The following AMBRA1 variants were observed in gnomAD, a reference collection of about 807,000 sequenced individuals.
AMBRA1 encodes autophagy and beclin 1 regulator 1.
Under a neutral mutation model 125.4 loss-of-function variants are expected in AMBRA1, and 47 were observed. The observed-to-expected ratio is 0.37, with a 90% confidence interval of 0.30 to 0.48. The LOEUF (loss-of-function observed/expected upper bound fraction) is 0.48, where lower values mean the gene tolerates loss of function less well. Ranked by LOEUF, AMBRA1 falls within the 20% of genes least tolerant of loss-of-function variation. AMBRA1 has a pLI of 0.99. For synonymous variants in AMBRA1, 626 were observed against 655.5 expected, an observed-to-expected ratio of 0.95 and a Z score of 0.69; for missense variants, 1,331 against 1,693.4, an observed-to-expected ratio of 0.79 and a Z score of 3.76.
chr11:46,515,916 C>T (rs1215952511), intron 7 of AMBRA1, among the ~76,000 whole-genome samples: 4 of 152,142 alleles, frequency 2.6e-5, no homozygotes, highest in African/African-American at 7.2e-5. Context: ...CCTTCTGATC[C>T]GCCCGCTTTG....
intron 1 of AMBRA1, among the ~76,000 whole-genome samples, chr11:46,567,580 C>T (rs1159878204): frequency 6.6e-6 from 1 of 151,906 alleles, no homozygotes. Context: ...AAGCCGGTCT[C>T]GAACTCCTGG....
At chr11:46,499,947 C>T (rs1035571492) in intron 9 of AMBRA1, among the ~76,000 whole-genome samples, 8 of 152,148 alleles carry the variant, frequency 5.3e-5, no homozygotes, top group African/African-American at 7.2e-5. Flanking sequence ...CCACCGCCCC[C>T]GGCTGACAGG....
intron 1 of AMBRA1, among the ~76,000 whole-genome samples, chr11:46,589,937 T>TA (rs1189878360): frequency 6.6e-6 from 1 of 151,824 alleles, no homozygotes; most frequent in Non-Finnish European, 1.5e-5. Context: ...ATTGTCAACT[T>TA]AAACAGACAA....
At chr11:46,552,368 CAAAAAAAAAAAAAAAAAAAAAAA>C (rs56090695) in intron 1 of AMBRA1, among the ~76,000 whole-genome samples, 626 of 12,006 alleles carry the variant, frequency 0.052, 22 homozygotes, top group African/African-American at 0.14. Flanking sequence ...GACTCCATCT[CAAAAAAAAAAAAAAAAAAAAAAA>C]AAAAAAAAAA....
intron 11 of AMBRA1, among the ~76,000 whole-genome samples, chr11:46,459,085 C>T (rs554014634): frequency 6.6e-6 from 1 of 152,222 alleles, no homozygotes; most frequent in East Asian, 1.9e-4. Flanking sequence ...CAAATTATGT[C>T]CAACTACACC....
chr11:46,529,859 G>T (rs1952135337), intron 7 of AMBRA1, among the ~76,000 whole-genome samples: 1 of 152,112 alleles, frequency 6.6e-6, no homozygotes, highest in South Asian at 2.1e-4. Flanking sequence ...AGCAAAATTT[G>T]CTCACACAAA....
intron 11 of AMBRA1, among the ~76,000 whole-genome samples, chr11:46,444,677 T>C (rs1948189416): frequency 6.6e-6 from 1 of 152,228 alleles, no homozygotes; most frequent in African/African-American, 2.4e-5. Flanking sequence ...TCACCTAGTC[T>C]TCCTCCTCTG....
intron 11 of AMBRA1, among the ~76,000 whole-genome samples, chr11:46,454,159 A>C (rs1486061759): frequency 6.6e-6 from 1 of 152,112 alleles, no homozygotes; most frequent in Non-Finnish European, 1.5e-5. Context: ...AATACAGTGT[A>C]TGAGGAAAGG....
At chr11:46,588,363 C>T (rs1372325661) in intron 1 of AMBRA1, among the ~76,000 whole-genome samples, 2 of 152,082 alleles carry the variant, frequency 1.3e-5, no homozygotes, top group Non-Finnish European at 2.9e-5. Context: ...GCAAGTTGCC[C>T]AAGAACTTAA....
chr11:46,411,571 C>T (rs1412563052), intron 15 of AMBRA1, among the ~76,000 whole-genome samples: 1 of 152,178 alleles, frequency 6.6e-6, no homozygotes, highest in Non-Finnish European at 1.5e-5. Context: ...TGGGTTCAAG[C>T]AATTCTCCTG....
At chr11:46,504,632 G>A (rs1031428975) in intron 9 of AMBRA1, 4 of 152,174 alleles carry the variant, frequency 2.6e-5, no homozygotes, top group Non-Finnish European at 5.9e-5. Flanking sequence ...GAGATGAATG[G>A]CAGGAGAGGA....
intron 1 of AMBRA1, among the ~76,000 whole-genome samples, chr11:46,589,658 C>T (rs921721710): frequency 6.6e-6 from 1 of 151,858 alleles, no homozygotes; most frequent in Non-Finnish European, 1.5e-5. Flanking sequence ...CTCCCTCTGT[C>T]GCCCAGGCTG....
intron 5 of AMBRA1, 73 bp downstream of exon 5, chr11:46,545,531 G>A (rs1194454605): frequency 1.1e-5 from 17 of 1,527,832 alleles, no homozygotes; most frequent in Non-Finnish European, 1.1e-5. Flanking sequence ...TGACTTCCAA[G>A]GTGACAGCCA....
intron 11 of AMBRA1, among the ~76,000 whole-genome samples, chr11:46,462,211 A>C (rs1949122271): frequency 6.6e-6 from 1 of 152,222 alleles, no homozygotes; most frequent in Non-Finnish European, 1.5e-5. Context: ...CGCGTAAACA[A>C]GTGAGCACGG....
intron 9 of AMBRA1, chr11:46,494,458 T>C: frequency 2.5e-6 from 1 of 393,980 alleles, no homozygotes; most frequent in Non-Finnish European, 4.7e-6. Flanking sequence ...ATGTGGTCCC[T>C]TAGCGTCTCA....
chr11:46,575,214 T>A (rs1348659717), intron 1 of AMBRA1, among the ~76,000 whole-genome samples: 1 of 152,086 alleles, frequency 6.6e-6, no homozygotes, highest in African/African-American at 2.4e-5. Context: ...TCCCGGCACT[T>A]TGGGAGGCTG....
chr11:46,555,423 C>T (rs1465197837), intron 1 of AMBRA1, among the ~76,000 whole-genome samples: 1 of 152,138 alleles, frequency 6.6e-6, no homozygotes, highest in Non-Finnish European at 1.5e-5. Context: ...AAAACATGAT[C>T]ACAATGTCTG....
intron 14 of AMBRA1, among the ~76,000 whole-genome samples, chr11:46,423,448 G>A (rs1590764631): frequency 6.6e-6 from 1 of 152,062 alleles, no homozygotes; most frequent in East Asian, 1.9e-4. Flanking sequence ...CTGGAGTGCA[G>A]TGGTGCGATC....
At chr11:46,581,797 C>CAAAAAA (rs1162857231) in intron 1 of AMBRA1, among the ~76,000 whole-genome samples, 1 of 69,956 alleles carries the variant, frequency 1.4e-5, no homozygotes, top group Non-Finnish European at 2.9e-5. Context: ...AAAACTCCAT[C>CAAAAAA]AAAAAAAAAA....
Sources: allele counts gnomAD v4.1 joint callset (sites outside exome capture counted in the v4.1 genomes callset), GRCh38; gene constraint gnomAD v4.1.1; transcripts MANE v1.5; gene names NCBI Gene and HGNC (gene_info 2026-07-23, HGNC 2026-07-21).